The following WDR70 variants were observed in gnomAD, a reference collection of about 807,000 sequenced individuals.
WDR70 encodes the protein WD repeat-containing protein 70.
In WDR70, 53 loss-of-function variants were observed where a neutral mutation model predicts 88.6. That is an observed-to-expected ratio of 0.60 (90% CI 0.48 to 0.75). The LOEUF is 0.75. Among genes scored for constraint, WDR70 ranks in the 30% least tolerant of loss-of-function variants. The pLI is 0.00. For missense variants in WDR70, 610 were observed against 823.2 expected (o/e 0.74, Z 3.17); for synonymous variants, 280 against 270.0 (o/e 1.04, Z -0.36).
intron 5 of WDR70, among the ~76,000 whole-genome samples, chr5:37,398,796 T>C (rs1320076574): frequency 1.3e-5 from 2 of 152,240 alleles, no homozygotes; most frequent in Non-Finnish European, 2.9e-5. Context: ...GCAATGTTGA[T>C]TGTATATTTT....
chr5:37,579,672 T>A (rs1171724871), intron 9 of WDR70, among the ~76,000 whole-genome samples: 1 of 151,868 alleles, frequency 6.6e-6, no homozygotes, highest in Admixed American at 6.6e-5. Flanking sequence ...TGAAAAAAAA[T>A]TGGATCTCAG....
At chr5:37,506,925 C>G in intron 8 of WDR70, 2 of 822,392 alleles carry the variant, frequency 2.4e-6, no homozygotes, top group Non-Finnish European at 4.3e-6. Context: ...CCACCTTTTT[C>G]TCTTCCCACC....
intron 7 of WDR70, among the ~76,000 whole-genome samples, chr5:37,459,287 A>G (rs1327749180): frequency 1.7e-5 from 2 of 119,054 alleles, no homozygotes; most frequent in Non-Finnish European, 3.7e-5. Context: ...GTGGTGCTGA[A>G]AAAAATGTAT....
intron 10 of WDR70, among the ~76,000 whole-genome samples, chr5:37,674,914 T>C (rs1449898752): frequency 2.0e-5 from 3 of 151,704 alleles, no homozygotes; most frequent in African/African-American, 7.3e-5. Context: ...GACTTTTTAA[T>C]GATTGCCATT....
intron 10 of WDR70, among the ~76,000 whole-genome samples, chr5:37,626,298 A>G (rs765421980): frequency 5.9e-5 from 9 of 152,180 alleles, no homozygotes; most frequent in Non-Finnish European, 1.3e-4. Flanking sequence ...TCTATACTTA[A>G]TTTATTAAGA....
intron 10 of WDR70, among the ~76,000 whole-genome samples, chr5:37,621,970 A>G (rs915068803): frequency 2.0e-5 from 3 of 152,132 alleles, no homozygotes; most frequent in African/African-American, 7.2e-5. Context: ...TCCCAGCACC[A>G]TTTATTAAAT....
chr5:37,643,583 T>C (rs543855718), intron 10 of WDR70, among the ~76,000 whole-genome samples: 8 of 152,138 alleles, frequency 5.3e-5, no homozygotes, highest in African/African-American at 1.9e-4. Context: ...TTGAATAGTA[T>C]GGGCATTTTA....
In WDR70 at chr5:37,546,262, T is replaced by C. The variant is rs114083853; in HGVS notation, c.917+29672T>C. ...ATATGTCTAGGAATGAAAAAACATT[T>C]AATGTCACATTAACCTTGCTGTAAG... is the stretch of plus-strand genomic sequence containing the variant. On this transcript the variant is annotated intron_variant, in intron 9 of 17. Coordinates refer to ENST00000265107, the MANE Select transcript of WDR70 (RefSeq NM_018034.4). 1.3e-3 allele frequency among the ~76,000 whole-genome samples: 195 copies of C among 152,338 alleles called. 1 individual carries two copies. The highest frequency in any genetic ancestry group is 4.6e-3 in the African/African-American group (190 of 41,578).
intron 8 of WDR70, among the ~76,000 whole-genome samples, chr5:37,512,884 C>A (rs1005560176): frequency 6.6e-6 from 1 of 152,056 alleles, no homozygotes; most frequent in Non-Finnish European, 1.5e-5. Context: ...CGCACCCAGC[C>A]GAGATTCTTA....
intron 7 of WDR70, among the ~76,000 whole-genome samples, chr5:37,472,973 A>C (rs1047746501): frequency 6.6e-6 from 1 of 151,948 alleles, no homozygotes; most frequent in Non-Finnish European, 1.5e-5. Context: ...GTTCTCCAAC[A>C]TATTTTTTTA....
chr5:37,718,754 T>G (rs1747724859), intron 13 of WDR70, among the ~76,000 whole-genome samples: 1 of 152,184 alleles, frequency 6.6e-6, no homozygotes. Flanking sequence ...TAGGCATGGG[T>G]GAACTGTAGC....
chr5:37,426,013 T>C (rs7710582), intron 5 of WDR70, among the ~76,000 whole-genome samples: 5,359 of 152,252 alleles, frequency 0.035, 328 homozygotes, highest in African/African-American at 0.12. Context: ...GAGAGACATA[T>C]AGCCTGGGAT....
intron 10 of WDR70, among the ~76,000 whole-genome samples, chr5:37,680,025 C>G (rs1297640186): frequency 6.6e-6 from 1 of 152,174 alleles, no homozygotes; most frequent in Non-Finnish European, 1.5e-5. Flanking sequence ...AATGTAAAAG[C>G]ATTTCTTTTT....
At chr5:37,547,038 G>T (rs1025183602) in intron 9 of WDR70, among the ~76,000 whole-genome samples, 30 of 152,172 alleles carry the variant, frequency 2.0e-4, no homozygotes, top group African/African-American at 7.0e-4. Flanking sequence ...ATAGAGGTTG[G>T]GTTGAATTTC....
chr5:37,724,392 C>T lies in WDR70; in HGVS notation c.1598-542C>T, dbSNP rs959190500. 4 of 152,330 alleles carry T rather than the reference C, an allele frequency of 2.6e-5. No individual in the cohort carries two copies. The East Asian group carries it at 5.8e-4, about 22-fold the overall frequency. The allele number at this position is 152,330 out of a possible 1,614,324, so 9.4% of individuals were successfully genotyped here. ...GTCCCCATGCCAAGAGATTTAGGCA[C>T]CTCTTGCATTCATGGCAACCTTTAT... is the stretch of plus-strand genomic sequence containing the variant. On this transcript the variant is annotated intron_variant, in intron 15 of 17. Coordinates refer to ENST00000265107, the MANE Select transcript of WDR70 (RefSeq NM_018034.4).
intron 2 of WDR70, among the ~76,000 whole-genome samples, chr5:37,379,843 GAGGATTTTTAAAAAT>G (rs1436547753): frequency 6.6e-6 from 1 of 152,166 alleles, no homozygotes; most frequent in Non-Finnish European, 1.5e-5. Flanking sequence ...GCATTTGTAC[GAGGATTTTTAAAAAT>G]ACGTAATTCG....
intron 10 of WDR70, among the ~76,000 whole-genome samples, chr5:37,678,596 G>T (rs1396495727): frequency 2.0e-5 from 3 of 152,228 alleles, no homozygotes; most frequent in African/African-American, 4.8e-5. Context: ...TCTGCCGAGA[G>T]ATCCGCTGTT....
At chr5:37,435,622 A>G (rs1415676975) in intron 5 of WDR70, among the ~76,000 whole-genome samples, 3 of 152,134 alleles carry the variant, frequency 2.0e-5, no homozygotes, top group South Asian at 2.1e-4. Flanking sequence ...TTATTTCTGT[A>G]TTGTTGCAAT....
intron 8 of WDR70, among the ~76,000 whole-genome samples, chr5:37,490,305 G>A (rs1740028016): frequency 3.9e-5 from 6 of 152,142 alleles, no homozygotes; most frequent in Admixed American, 3.3e-4. Flanking sequence ...TGCAGCAGCA[G>A]TAGTAGGCAG....
Sources: allele counts gnomAD v4.1 joint callset (sites outside exome capture counted in the v4.1 genomes callset), GRCh38; gene constraint gnomAD v4.1.1; transcripts MANE v1.5; gene names NCBI Gene and HGNC (gene_info 2026-07-23, HGNC 2026-07-21).